CADPS: variants seen among roughly 807,000 people sequenced by gnomAD.
The protein encoded by CADPS is calcium dependent secretion activator.
In CADPS, 57 loss-of-function variants were observed where a neutral mutation model predicts 167.3. The observed-to-expected ratio is 0.34, with a 90% CI of 0.28 to 0.42. The LOEUF (loss-of-function observed/expected upper bound fraction) is 0.42, where lower values mean the gene tolerates loss of function less well. Among genes scored for constraint, CADPS ranks in the 20% least tolerant of loss-of-function variants. The probability of loss-of-function intolerance (pLI) is 1.00; values close to 1 mark genes in which losing one functional copy is unlikely to be tolerated. For missense variants in CADPS, 1,414 were observed against 1,738.1 expected, an observed-to-expected ratio of 0.81 and a Z score of 3.32; for synonymous variants, 676 against 635.3, an observed-to-expected ratio of 1.06 and a Z score of -0.96.
chr3:62,668,166 A>T (rs553998647), intron 3 of CADPS, among the ~76,000 whole-genome samples: 2 of 152,244 alleles, frequency 1.3e-5, no homozygotes, highest in African/African-American at 2.4e-5. Context: ...AAATGTAAAC[A>T]GAAATAGGCA....
chr3:62,524,265 T>C (rs1185656163), intron 13 of CADPS, among the ~76,000 whole-genome samples: 2 of 152,200 alleles, frequency 1.3e-5, no homozygotes, highest in African/African-American at 4.8e-5. Context: ...CTTGCTCATC[T>C]ATATGGTTTG....
intron 3 of CADPS, among the ~76,000 whole-genome samples, chr3:62,716,006 A>G (rs545605691): frequency 1.3e-5 from 2 of 151,992 alleles, no homozygotes; most frequent in African/African-American, 4.8e-5. Context: ...CAGCCTCCCA[A>G]AGTGCTGGGA....
chr3:62,715,373 C>CTACCTATCTATCTAT (rs1554105668), intron 3 of CADPS, among the ~76,000 whole-genome samples: 56 of 134,608 alleles, frequency 4.2e-4, no homozygotes, highest in African/African-American at 1.6e-3. Flanking sequence ...TATCTATCTA[C>CTACCTATCTATCTAT]CTATCTATCT....
chr3:62,478,159 A>T lies in CADPS; in HGVS notation c.3329+102T>A. 7.9e-7 allele frequency: 1 copy of T among 1,265,772 alleles called. No individual in the cohort carries two copies. 78.4% of individuals were successfully genotyped at this position (1,265,772 alleles called of 1,614,324 possible). ...TGACAAGCAATCCCCTTCTCCAATT[A>T]GTTTCAAACTACAGCCAATTGAAAG... On this transcript the variant is annotated intron_variant, in intron 23 of 29. Transcript: ENST00000383710. This position sits in a 1 kb window ranked among gnomAD's most constrained non-coding sequence, Gnocchi z 5.7.
At chr3:62,846,691 G>A (rs180755477) in intron 1 of CADPS, among the ~76,000 whole-genome samples, 134 of 152,030 alleles carry the variant, frequency 8.8e-4, no homozygotes, top group Non-Finnish European at 1.7e-3. Context: ...TTTTTGAGAC[G>A]GAGTCTTGCT....
At chr3:62,625,888 G>A (rs756300675) in intron 6 of CADPS, 5 of 151,048 alleles carry the variant, frequency 3.3e-5, no homozygotes, top group Admixed American at 1.3e-4. Flanking sequence ...ACTACTAAAT[G>A]TACATGATTT....
At chr3:62,646,226 G>T (rs116800061) in intron 5 of CADPS, among the ~76,000 whole-genome samples, 1 of 149,082 alleles carries the variant, frequency 6.7e-6, no homozygotes, top group Non-Finnish European at 1.5e-5. Flanking sequence ...GTGCAATGGC[G>T]TGATCTCGGC....
intron 3 of CADPS, among the ~76,000 whole-genome samples, chr3:62,712,398 C>A (rs573432009): frequency 2.6e-4 from 40 of 152,240 alleles, no homozygotes; most frequent in Admixed American, 1.7e-3. Flanking sequence ...TCCAATAAGG[C>A]GAAAAATCTG....
chr3:62,825,569 T>C (rs2073890845), intron 1 of CADPS, among the ~76,000 whole-genome samples: 1 of 152,112 alleles, frequency 6.6e-6, no homozygotes. Context: ...GTTATCTCCA[T>C]CTCCAATCCC....
chr3:62,609,018 A>G (rs1189920644), intron 6 of CADPS, among the ~76,000 whole-genome samples: 2 of 152,184 alleles, frequency 1.3e-5, no homozygotes, highest in Admixed American at 1.3e-4. Flanking sequence ...CATAGACGTA[A>G]GCGAGGGTAG....
At chr3:62,735,869 T>C (rs1680818709) in intron 3 of CADPS, among the ~76,000 whole-genome samples, 1 of 152,174 alleles carries the variant, frequency 6.6e-6, no homozygotes, top group African/African-American at 2.4e-5. Flanking sequence ...GTAATGAAAT[T>C]GAAGAACTAC....
chr3:62,645,698 G>A, intron 6 of CADPS, 24 bp downstream of exon 6: 1 of 1,612,848 alleles, frequency 6.2e-7, no homozygotes, highest in South Asian at 1.1e-5. Context: ...TCTATAAGAT[G>A]GACCCTGGAG....
At chr3:62,445,871 C>T in intron 26 of CADPS, 74 bp from the exon 27 acceptor site, 1 of 1,036,584 alleles carries the variant, frequency 9.6e-7, no homozygotes, top group Non-Finnish European at 1.3e-6. Context: ...TGCTGTATCC[C>T]CATCAGAATC....
At chr3:62,505,959 C>T (rs1184155807) in intron 17 of CADPS, among the ~76,000 whole-genome samples, 2 of 152,186 alleles carry the variant, frequency 1.3e-5, no homozygotes, top group African/African-American at 4.8e-5. Flanking sequence ...TACATACAAA[C>T]TACACAGGAA....
intron 3 of CADPS, among the ~76,000 whole-genome samples, chr3:62,669,337 A>G (rs2075098196): frequency 6.6e-6 from 1 of 152,090 alleles, no homozygotes; most frequent in Non-Finnish European, 1.5e-5. Context: ...TCCTTCAGAG[A>G]CAAGCTGCTC....
intron 1 of CADPS, among the ~76,000 whole-genome samples, chr3:62,766,584 C>T (rs1296668152): frequency 1.3e-5 from 2 of 152,182 alleles, no homozygotes; most frequent in African/African-American, 4.8e-5. Flanking sequence ...GTTGTTGGTA[C>T]ATCCATGATC....
At chr3:62,855,104 T>TTTTTTTTTC (rs1304696542) in intron 1 of CADPS, among the ~76,000 whole-genome samples, 1 of 143,522 alleles carries the variant, frequency 7.0e-6, no homozygotes, top group Non-Finnish European at 1.5e-5. Flanking sequence ...TTTTTTTTTT[T>TTTTTTTTTC]TTTTTGTCTT....
chr3:62,577,753 T>G (rs1328913277), intron 8 of CADPS, among the ~76,000 whole-genome samples: 1 of 152,242 alleles, frequency 6.6e-6, no homozygotes, highest in East Asian at 1.9e-4. Flanking sequence ...TGCTTTACGT[T>G]GAGCAAAATG....
At chr3:62,850,632 T>G (rs1459145372) in intron 1 of CADPS, among the ~76,000 whole-genome samples, 11 of 149,766 alleles carry the variant, frequency 7.3e-5, no homozygotes, top group Admixed American at 6.7e-5. Flanking sequence ...CACTGTGGTC[T>G]GAGAGATAGT....
Sources: allele counts gnomAD v4.1 joint callset (sites outside exome capture counted in the v4.1 genomes callset), GRCh38; gene constraint gnomAD v4.1.1; non-coding constraint Gnocchi (gnomAD v3.1); transcripts MANE v1.5; gene names NCBI Gene and HGNC (gene_info 2026-07-23, HGNC 2026-07-21).